PTPRT: variants seen among roughly 807,000 people sequenced by gnomAD.
PTPRT encodes the protein receptor-type tyrosine-protein phosphatase T.
PTPRT carries 56 observed loss-of-function variants against 176.8 expected under a neutral mutation model. The ratio of observed to expected loss-of-function variants is 0.32; its 90% CI spans 0.26 to 0.40. The LOEUF is 0.40. Ranked by LOEUF, PTPRT falls within the 10% of genes least tolerant of loss-of-function variation. The pLI is 1.00. For missense variants in PTPRT, 1,540 were observed against 1,908.2 expected, an observed-to-expected ratio of 0.81 and a Z score of 3.60; for synonymous variants, 783 against 739.0, an observed-to-expected ratio of 1.06 and a Z score of -0.96.
rs533503152 is a variant in PTPRT, at chr20:43,171,649, A to G, written c.88+17997T>C. 4.3e-4 allele frequency among the ~76,000 whole-genome samples: 65 copies of G among 152,300 alleles called. 1 individual carries two copies. Among genetic ancestry groups the G allele is most frequent in the Middle Eastern group, 3.4e-3 (1 of 294 alleles). ...CTAGACCAGCGATTCTCAAATTTTC[A>G]CATCTATCAGAATCACCTGAAAGGG... is the stretch of plus-strand genomic sequence containing the variant. On this transcript the variant is annotated intron_variant, in intron 1 of 30. Coordinates refer to ENST00000373187, the MANE Select transcript of PTPRT (RefSeq NM_007050.6).
chr20:42,412,881 G>A (rs1417342067), intron 9 of PTPRT, among the ~76,000 whole-genome samples: 2 of 152,224 alleles, frequency 1.3e-5, no homozygotes, highest in African/African-American at 4.8e-5. Context: ...GGTTTTCAGG[G>A]CCGAGCACAG....
chr20:42,476,369 C>A (rs2071289458), intron 7 of PTPRT, among the ~76,000 whole-genome samples: 1 of 152,206 alleles, frequency 6.6e-6, no homozygotes, highest in Non-Finnish European at 1.5e-5. Context: ...ATGATCACTC[C>A]CCAGGTGATT....
At chr20:43,052,580 A>G (rs1413992379) in intron 1 of PTPRT, among the ~76,000 whole-genome samples, 2 of 152,232 alleles carry the variant, frequency 1.3e-5, no homozygotes, top group Non-Finnish European at 2.9e-5. Flanking sequence ...TGCTTTGTGA[A>G]AAACTTCATA....
intron 7 of PTPRT, among the ~76,000 whole-genome samples, chr20:42,534,296 G>T (rs2145554606): frequency 6.6e-6 from 1 of 152,296 alleles, no homozygotes; most frequent in South Asian, 2.1e-4. Flanking sequence ...GACAGTGTGT[G>T]TGGATTTCCA....
chr20:42,303,790 G>C (rs139663932), intron 12 of PTPRT, among the ~76,000 whole-genome samples: 1 of 152,278 alleles, frequency 6.6e-6, no homozygotes, highest in East Asian at 1.9e-4. Flanking sequence ...TGAGAAAAGT[G>C]CATGGATTAG....
chr20:42,844,427 G>A (rs2078332726), intron 2 of PTPRT, among the ~76,000 whole-genome samples: 1 of 152,110 alleles, frequency 6.6e-6, no homozygotes, highest in South Asian at 2.1e-4. Flanking sequence ...CAGAATTAAG[G>A]GGTCCTTTCT....
chr20:42,950,161 CCCCTCCTCAGGGTTGGGAGCACTGGTG>C, intron 1 of PTPRT, among the ~76,000 whole-genome samples: 1 of 152,290 alleles, frequency 6.6e-6, no homozygotes, highest in African/African-American at 2.4e-5. Flanking sequence ...AGAAGAAAGC[CCCCTCCTCAGGGTTGGGAGCACTGGTG>C]CCCTGACGGC....
intron 7 of PTPRT, among the ~76,000 whole-genome samples, chr20:42,531,729 C>T (rs1035702718): frequency 4.6e-5 from 7 of 152,338 alleles, no homozygotes; most frequent in Non-Finnish European, 8.8e-5. Flanking sequence ...ACCTGTCCCT[C>T]TAAAGAGACA....
At chr20:43,165,595 T>G (rs992988078) in intron 1 of PTPRT, among the ~76,000 whole-genome samples, 3 of 152,132 alleles carry the variant, frequency 2.0e-5, no homozygotes, top group Non-Finnish European at 4.4e-5. Flanking sequence ...TTACCTAGTC[T>G]CAGGTATTGC....
At chr20:42,952,894 A>G (rs148332475) in intron 1 of PTPRT, among the ~76,000 whole-genome samples, 15 of 152,322 alleles carry the variant, frequency 9.8e-5, no homozygotes, top group African/African-American at 2.9e-4. Flanking sequence ...GCAGGTACCT[A>G]ATAAATGAGA....
chr20:43,016,965 G>A (rs1004003155), intron 1 of PTPRT, among the ~76,000 whole-genome samples: 4 of 152,170 alleles, frequency 2.6e-5, no homozygotes, highest in Admixed American at 6.5e-5. Context: ...ACTAGGGTGA[G>A]GTTGGGGTGG....
intron 1 of PTPRT, among the ~76,000 whole-genome samples, chr20:42,916,748 T>C (rs206676): frequency 0.09 from 13,625 of 152,218 alleles, 1,795 homozygotes; most frequent in African/African-American, 0.29. Flanking sequence ...TTTTTTTTGA[T>C]TGCATAAATG....
intron 3 of PTPRT, among the ~76,000 whole-genome samples, chr20:42,788,923 T>C (rs1161726505): frequency 2.0e-5 from 3 of 152,186 alleles, no homozygotes; most frequent in African/African-American, 7.2e-5. Flanking sequence ...CTGTACTAAT[T>C]TGACAACCAC....
At chr20:42,478,604 C>T (rs2071330705) in intron 7 of PTPRT, among the ~76,000 whole-genome samples, 1 of 152,098 alleles carries the variant, frequency 6.6e-6, no homozygotes, top group Non-Finnish European at 1.5e-5. Flanking sequence ...CTCTGCCCAG[C>T]TATTTCCTCT....
chr20:42,096,756 ATTTTTTTTT>A (rs58111170), intron 27 of PTPRT, among the ~76,000 whole-genome samples: 1 of 118,862 alleles, frequency 8.4e-6, no homozygotes, highest in South Asian at 2.7e-4. Context: ...GCTAATTAAA[ATTTTTTTTT>A]TTTTTTTTTT....
At chr20:42,045,183 C>T in the PTPRT span, among the ~76,000 whole-genome samples, 1 of 152,034 alleles carries the variant, frequency 6.6e-6, no homozygotes, top group Non-Finnish European at 1.5e-5. Flanking sequence ...TTCACAGGTT[C>T]CAGGGATTAG....
intron 7 of PTPRT, among the ~76,000 whole-genome samples, chr20:42,622,249 T>A (rs2074211641): frequency 6.6e-6 from 1 of 151,930 alleles, no homozygotes; most frequent in African/African-American, 2.4e-5. Context: ...ACTTAAATTT[T>A]TTTTTTTTTT....
intron 1 of PTPRT, among the ~76,000 whole-genome samples, chr20:43,013,157 T>C (rs969210617): frequency 6.6e-6 from 1 of 152,240 alleles, no homozygotes; most frequent in Admixed American, 6.5e-5. Context: ...ACTTAAAATA[T>C]TGTAATTTTT....
intron 1 of PTPRT, among the ~76,000 whole-genome samples, chr20:43,166,776 A>G (rs1029262818): frequency 2.6e-5 from 4 of 152,224 alleles, no homozygotes; most frequent in Non-Finnish European, 5.9e-5. Flanking sequence ...ATCAGAGTAC[A>G]ATGGCTTCAA....
Sources: allele counts gnomAD v4.1 joint callset (sites outside exome capture counted in the v4.1 genomes callset), GRCh38; gene constraint gnomAD v4.1.1; transcripts MANE v1.5; gene names NCBI Gene and HGNC (gene_info 2026-07-23, HGNC 2026-07-21).